C3: variants seen among roughly 807,000 people sequenced by gnomAD.
C3 encodes the protein complement C3, also known as C3 and PZP-like alpha-2-macroglobulin domain-containing protein 1.
In C3, 97 loss-of-function variants were observed where a neutral mutation model predicts 207.9. The observed-to-expected ratio is 0.47, with a 90% CI of 0.40 to 0.55. The LOEUF (loss-of-function observed/expected upper bound fraction) is 0.55. Among genes scored for constraint, C3 ranks in the 20% least tolerant of loss-of-function variants. The pLI, the probability that C3 is intolerant of heterozygous loss-of-function variation, is 0.00. For synonymous variants in C3, 848 were observed against 857.6 expected (o/e 0.99, Z 0.20); for missense variants, 1,684 against 2,171.7 (o/e 0.78, Z 4.46).
chr19:6,681,623 G>C (rs1220342032), intron 35 of C3, among the ~76,000 whole-genome samples: 1 of 151,854 alleles, frequency 6.6e-6, no homozygotes, highest in African/African-American at 2.4e-5. Flanking sequence ...AGGGAACGAG[G>C]CAAGACCTTG....
Position 6,714,160 on chromosome 19 carries a change from T to G in C3, c.682+6A>C, listed in dbSNP as rs924773307. On this transcript the variant is annotated splice_donor_region_variant and intron_variant, in intron 6 of 40. Transcript: ENST00000245907. ...ACTGACTCCCCCCAGCCCCTCCTCC[T>G]CTTACCGTACTCCTTCACCTCAAAC... 6.2e-7 allele frequency: 1 copy of G among 1,613,418 alleles called. No individual in the cohort carries two copies.
chr19:6,684,213 C>T, intron 33 of C3, 175 bp downstream of exon 33: 3 of 720,260 alleles, frequency 4.2e-6, no homozygotes, highest in Non-Finnish European at 7.6e-6. Flanking sequence ...TGTGGTCTCA[C>T]ATTAACATGC....
At chr19:6,711,846 A>T (rs1967929423) in intron 11 of C3, among the ~76,000 whole-genome samples, 1 of 152,006 alleles carries the variant, frequency 6.6e-6, no homozygotes, top group Non-Finnish European at 1.5e-5. Context: ...ACACTACACA[A>T]CCCTCCTTGT....
chr19:6,717,471 G>A lies in C3; in HGVS notation c.504+623C>T, dbSNP rs964319469. On this transcript the variant is annotated intron_variant, in intron 4 of 40. Coordinates refer to ENST00000245907, the MANE Select transcript of C3 (RefSeq NM_000064.4). The stretch of plus-strand genomic sequence containing the variant: ...GTATTGTGTGGTTGTGTGTTGGGTT[G>A]TGTGTTGTGTGTGCTATGTTTGTGT... 4 of 199,338 alleles carry A rather than the reference G, an allele frequency of 2.0e-5. No homozygotes were observed. The Admixed American group carries it at 2.2e-4, about 11-fold the overall frequency. 12.3% of individuals were successfully genotyped at this position (199,338 alleles called of 1,614,324 possible).
intron 24 of C3, among the ~76,000 whole-genome samples, chr19:6,693,790 G>C (rs970651646): frequency 2.0e-5 from 3 of 152,140 alleles, no homozygotes; most frequent in Non-Finnish European, 2.9e-5. Context: ...ATGGCCTGGA[G>C]AGGACGTGGG....
chr19:6,713,188 C>T lies in C3; in HGVS notation c.1003+1G>A, dbSNP rs1967955498. ...AGCCTGGCCTTCAGACTGGGCCTCA[C>T]CTGAGTGCAAGATGACGGTGGCAGA... On this transcript the variant is annotated splice_donor_variant, in intron 9 of 40. Transcript: ENST00000245907. LOFTEE classifies it high-confidence loss of function. 3.1e-6 allele frequency: 5 copies of T among 1,613,786 alleles called. No individual in the cohort carries two copies. The South Asian group carries it at 3.3e-5, about 11-fold the overall frequency.
At chr19:6,708,447 C>A (rs1037864909) in intron 14 of C3, among the ~76,000 whole-genome samples, 1 of 152,008 alleles carries the variant, frequency 6.6e-6, no homozygotes, top group Non-Finnish European at 1.5e-5. Context: ...CCATGCCCGG[C>A]CTTCTTTTTC....
chr19:6,681,955 T>A lies in C3; in HGVS notation c.4336A>T (p.Ile1446Phe). The change falls in exon 35 of 41, where the codon ATC becomes TTC. Residue 1446 changes from isoleucine (I) to phenylalanine (F), a missense_variant. Ile to Phe is a conservative substitution (Grantham distance 21). Transcript: ENST00000245907. The part of the protein sequence containing the change: ...KAFSDRNTLI[I>F]YLDKVSHSED... ...TGCAGCCTTACCTTGTCCAGGTAGATGATGAGGGTGTTCCTATCGGAGAAG... is the reference window on the plus strand; with the variant it reads ...TGCAGCCTTACCTTGTCCAGGTAGAAGATGAGGGTGTTCCTATCGGAGAAG... 1.9e-6 allele frequency: 3 copies of A among 1,613,780 alleles called. No homozygotes were observed. Among genetic ancestry groups the A allele is most frequent in the Non-Finnish European group, 2.5e-6 (3 of 1,179,718 alleles).
rs989280983 is a variant in C3 at position 6,702,391 on chromosome 19, G to T, written c.2354+80C>A. Reference sequence around the variant, plus strand: ...TGTGGGGTTGCACTGTGATTCCAGAGAAGACCAGAGATAGCAGGTGCATGC... The same window carrying T: ...TGTGGGGTTGCACTGTGATTCCAGATAAGACCAGAGATAGCAGGTGCATGC... On this transcript the variant is annotated intron_variant, in intron 18 of 40. Coordinates refer to ENST00000245907, the MANE Select transcript of C3 (RefSeq NM_000064.4). 8.3e-6 allele frequency: 9 copies of T among 1,079,156 alleles called. No individual in the cohort carries two copies. The African/African-American group carries it at 1.4e-4, about 17-fold the overall frequency. 66.8% of individuals were successfully genotyped at this position (1,079,156 alleles called of 1,614,324 possible). A position where few individuals can be genotyped will look rare whatever the true frequency, so the allele number is the denominator to read the frequency against.
intron 21 of C3, among the ~76,000 whole-genome samples, chr19:6,697,045 A>AAAAAAAAAAAAAAAAAAT (rs879867261): frequency 9.3e-6 from 1 of 107,382 alleles, no homozygotes; most frequent in Admixed American, 1.1e-4. Flanking sequence ...CTGTCTCAAA[A>AAAAAAAAAAAAAAAAAAT]AAATAAACAA....
rs1257587038 is a variant in C3, at chr19:6,701,482, T to G, written c.2440+645A>C. ...AGTATCTGCTGCTGGCTCGTTCTGTTGAGCAGCCATGTCTGTGTCGTCTTT... is the reference window on the plus strand; with the variant it reads ...AGTATCTGCTGCTGGCTCGTTCTGTGGAGCAGCCATGTCTGTGTCGTCTTT... On this transcript the variant is annotated intron_variant, in intron 19 of 40. Coordinates refer to ENST00000245907, the MANE Select transcript of C3 (RefSeq NM_000064.4). Among the ~76,000 whole-genome samples, 8 of 152,302 alleles carry G rather than the reference T, an allele frequency of 5.3e-5. No individual in the cohort carries two copies. The East Asian group carries it at 1.5e-3, about 29-fold the overall frequency.
chr19:6,706,226 G>C (rs1192570034), intron 17 of C3, among the ~76,000 whole-genome samples: 1 of 152,210 alleles, frequency 6.6e-6, no homozygotes, highest in Non-Finnish European at 1.5e-5. Flanking sequence ...CATCTTTCTA[G>C]ACTTTTCCCT....
intron 17 of C3, among the ~76,000 whole-genome samples, chr19:6,706,051 G>T (rs1231605182): frequency 6.6e-6 from 1 of 152,208 alleles, no homozygotes; most frequent in Non-Finnish European, 1.5e-5. Context: ...AGTCTCACCT[G>T]ATTCAAAAAC....
rs756442896 is a variant in C3 at position 6,677,923 on chromosome 19, C to T, written c.4951G>A (p.Ala1651Thr). The change falls in exon 41 of 41, where the codon GCC becomes ACC. Residue 1651 changes from alanine (A) to threonine (T), a missense_variant. Ala to Thr is a moderately conservative substitution (Grantham distance 58, BLOSUM62 0). Transcript: ENST00000245907. Reference protein sequence around the residue: ...ENQKQCQDLGAFTESMVVFGC... With the variant: ...ENQKQCQDLGTFTESMVVFGC... ...AAGACAACCATGCTCTCGGTGAAGGCGCCGAGGTCCTGGCATTGTTTCTGG... is the reference window on the plus strand; with the variant it reads ...AAGACAACCATGCTCTCGGTGAAGGTGCCGAGGTCCTGGCATTGTTTCTGG... 2 of 1,613,474 alleles carry T rather than the reference C, an allele frequency of 1.2e-6. No homozygotes were observed. Among genetic ancestry groups the T allele is most frequent in the Non-Finnish European group, 8.5e-7 (1 of 1,179,822 alleles).
chr19:6,678,129 G>C (rs751987860), intron 40 of C3, 23 bp downstream of exon 40: 14 of 1,613,990 alleles, frequency 8.7e-6, no homozygotes, highest in African/African-American at 1.3e-5. Flanking sequence ...GCGGTCGCGC[G>C]CACGCGCAGG....
chr19:6,678,660 G>T (rs939814907), intron 38 of C3, among the ~76,000 whole-genome samples: 6 of 152,026 alleles, frequency 3.9e-5, no homozygotes, highest in Admixed American at 1.3e-4. Context: ...CGTGCTCATA[G>T]GCATGCACAG....
At chr19:6,694,728 G>T in intron 23 of C3, 94 bp from the exon 24 acceptor site, 2 of 1,171,744 alleles carry the variant, frequency 1.7e-6, no homozygotes, top group Non-Finnish European at 2.4e-6. Flanking sequence ...ACCAGCCAGG[G>T]CCAAGGGGTT....
At chr19:6,712,757 C>G (rs1173053620) in intron 9 of C3, 134 bp from the exon 10 acceptor site, 1 of 779,334 alleles carries the variant, frequency 1.3e-6, no homozygotes, top group African/African-American at 1.7e-5. Flanking sequence ...GGGCCTGTGC[C>G]CCCCATCAGA....
rs771359858 is a variant in C3, at chr19:6,682,138, A to G, written c.4260+4T>C. On this transcript the variant is annotated splice_donor_region_variant and intron_variant, in intron 34 of 40. Coordinates refer to ENST00000245907, the MANE Select transcript of C3 (RefSeq NM_000064.4). ...ACTTATCCCAGCTCCTGAGCCCTTC[A>G]TACCTGCTTCAGGTCATCTGTGTCT... 6 of 1,613,398 alleles carry G rather than the reference A, an allele frequency of 3.7e-6. No individual in the cohort carries two copies. Among genetic ancestry groups the G allele is most frequent in the Non-Finnish European group, 5.1e-6 (6 of 1,179,328 alleles).
Sources: allele counts gnomAD v4.1 joint callset (sites outside exome capture counted in the v4.1 genomes callset), GRCh38; gene constraint gnomAD v4.1.1; transcripts MANE v1.5; gene names NCBI Gene and HGNC (gene_info 2026-07-23, HGNC 2026-07-21).